Variants in PXMP2 observed in about 807,000 individuals in gnomAD.
PXMP2 encodes peroxisomal membrane protein 2.
PXMP2 carries 13 observed loss-of-function variants against 20.2 expected under a neutral mutation model. The ratio of observed to expected loss-of-function variants is 0.64; its 90% confidence interval spans 0.42 to 1.02. The LOEUF is 1.02. Among genes scored for constraint, PXMP2 ranks in the 50% least tolerant of loss-of-function variants. PXMP2 has a pLI of 0.00. For missense variants in PXMP2, 284 were observed against 251.8 expected (o/e 1.13, Z -0.87); for synonymous variants, 113 against 111.2 (o/e 1.02, Z -0.10).
rs1304769894 is a variant in PXMP2 at position 132,695,943 on chromosome 12, C to T, written c.296C>T (p.Pro99Leu). 5 of 1,612,618 alleles carry T rather than the reference C, an allele frequency of 3.1e-6. No homozygotes were observed. Among genetic ancestry groups the T allele is most frequent in the Non-Finnish European group, 4.2e-6 (5 of 1,179,370 alleles). ...FFYFFMEHWIPPEVPLAGLRR... is the reference protein window; with the variant it reads ...FFYFFMEHWILPEVPLAGLRR... ...TACTTCTTCATGGAACATTGGATCC[C>T]TCCTGAGGTCCCCCTGGCAGGGCTC... Residue 99 changes from proline to leucine, a missense_variant, in exon 3 of 5, where the codon CCT (proline) becomes CTT (leucine). By Grantham distance (98) the Pro-to-Leu change is moderately conservative. Coordinates refer to ENST00000317479, the MANE Select transcript of PXMP2 (RefSeq NM_018663.3).
chr12:132,699,526 C>CTTTTTTT (rs67730658), intron 3 of PXMP2, among the ~76,000 whole-genome samples: 2 of 100,510 alleles, frequency 2.0e-5, no homozygotes, highest in African/African-American at 7.9e-5. Flanking sequence ...AAAAGACATG[C>CTTTTTTT]TTTTTTTTTT....
intron 2 of PXMP2, 83 bp from the exon 3 acceptor site, chr12:132,695,801 C>A: frequency 7.0e-7 from 1 of 1,433,492 alleles, no homozygotes; most frequent in Non-Finnish European, 9.5e-7. Context: ...GGGGTTAGGA[C>A]CTGGGATTTG....
rs1213728899 is a variant in PXMP2 at position 132,690,340 on chromosome 12, T to A, written c.200T>A (p.Leu67Gln). 6.2e-7 allele frequency: 1 copy of A among 1,614,076 alleles called. No homozygotes were observed. The highest frequency in any genetic ancestry group is 8.5e-7 in the Non-Finnish European group (1 of 1,179,960). Reference protein sequence around the residue: ...KKRKKENSRSLDVGGPLRYAV... With the variant: ...KKRKKENSRSQDVGGPLRYAV... ...CGGAAAAAAGAAAACTCTAGAAGTC[T>A]GGATGTCGGTGGGCCTCTGAGATAT... Residue 67 changes from leucine (L) to glutamine (Q), a missense_variant, in exon 2 of 5, where the codon CTG becomes CAG. Coordinates refer to ENST00000317479, the MANE Select transcript of PXMP2 (RefSeq NM_018663.3).
At chr12:132,701,609 C>G (rs2043442438) in intron 4 of PXMP2, 3 of 541,174 alleles carry the variant, frequency 5.5e-6, no homozygotes, top group Admixed American at 3.8e-5. Context: ...GAAGGGTGTC[C>G]CGAGTGGTCG....
chr12:132,688,686 G>C (rs11608852), intron 1 of PXMP2, among the ~76,000 whole-genome samples: 7 of 8,972 alleles, frequency 7.8e-4, no homozygotes, highest in South Asian at 7.8e-3. Context: ...AAGACAGGGC[G>C]AGGGGAGCGG....
At chr12:132,694,202 TGCCAGTTAGTTAGTGAGCTCCCTTA>T (rs1555232176) in intron 2 of PXMP2, among the ~76,000 whole-genome samples, 3 of 110,598 alleles carry the variant, frequency 2.7e-5, no homozygotes, top group Non-Finnish European at 3.9e-5. Flanking sequence ...AGAGCTCCCT[TGCCAGTTAGTTAGTGAGCTCCCTTA>T]GCCAGTTAGT....
In PXMP2 at chr12:132,692,108, CAGTT is replaced by C. The variant is rs1275706304; in HGVS notation, c.236+1740_236+1743del. ...CCAGTTAGTTAGTGAGCGCCCTTGC[CAGTT>C]AGTTAGTGAGCTCCCTTAGCCAGTT... is the stretch of plus-strand genomic sequence containing the variant. On this transcript the variant is annotated intron_variant, in intron 2 of 4. Transcript: ENST00000317479. Among the ~76,000 whole-genome samples the C allele has an allele frequency of 8.2e-5, 12 of 146,408 alleles. 1 individual carries two copies. The highest frequency in any genetic ancestry group is 1.5e-4 in the African/African-American group (6 of 39,560).
intron 4 of PXMP2, chr12:132,702,573 C>A: frequency 3.7e-6 from 1 of 267,594 alleles, no homozygotes; most frequent in Non-Finnish European, 7.6e-6. Flanking sequence ...AGGTATGCCG[C>A]CCATCAGGGT....
chr12:132,696,437 A>G lies in PXMP2; in HGVS notation c.399+391A>G, dbSNP rs1209044072. Among the ~76,000 whole-genome samples, 2 of 152,086 alleles carry G rather than the reference A, an allele frequency of 1.3e-5. No homozygotes were observed. Among genetic ancestry groups the G allele is most frequent in the Non-Finnish European group, 2.9e-5 (2 of 68,040 alleles). On this transcript the variant is annotated intron_variant, in intron 3 of 4. Transcript: ENST00000317479. This position sits in a 1 kb window ranked among gnomAD's most constrained non-coding sequence, Gnocchi z 4.4. ...TTTTATATCACATCAGTTGTTACAG[A>G]TATCTCGAAATATAATTTATGCTCA...
chr12:132,699,654 C>T (rs1345983456), intron 3 of PXMP2, among the ~76,000 whole-genome samples: 2 of 151,280 alleles, frequency 1.3e-5, no homozygotes, highest in African/African-American at 2.4e-5. Flanking sequence ...CTCAGCCTCC[C>T]AAAGTGCTGA....
intron 2 of PXMP2, among the ~76,000 whole-genome samples, chr12:132,692,832 TAGCC>T (rs2043379863): frequency 1.2e-5 from 1 of 80,084 alleles, no homozygotes; most frequent in Non-Finnish European, 2.8e-5. Context: ...TGAGCTCCCT[TAGCC>T]AGTTAGTGAG....
At chr12:132,688,043 G>C (rs1447048711) in intron 1 of PXMP2, 5 of 232,108 alleles carry the variant, frequency 2.2e-5, no homozygotes, top group Non-Finnish European at 3.0e-5. Flanking sequence ...CCGGGGGTCG[G>C]CGCTGAGGTT....
rs200781916 is a variant in PXMP2, at chr12:132,690,316, G to A, written c.176G>A (p.Arg59Gln). 107 of 1,613,890 alleles carry A rather than the reference G, an allele frequency of 6.6e-5. No individual in the cohort carries two copies. In the East Asian group the frequency reaches 2.0e-3, roughly 30 times the overall value. ...CTGGCCCAGATGATTGAGAAGAAGC[G>A]GAAAAAAGAAAACTCTAGAAGTCTG... ...NFLAQMIEKK[R>Q]KKENSRSLDV... Residue 59 changes from arginine (R) to glutamine (Q), a missense_variant, in exon 2 of 5, where the codon CGG (arginine) becomes CAG (glutamine). Coordinates refer to ENST00000317479, the MANE Select transcript of PXMP2 (RefSeq NM_018663.3).
At chr12:132,692,245 C>T (rs530079543) in intron 2 of PXMP2, among the ~76,000 whole-genome samples, 33 of 149,858 alleles carry the variant, frequency 2.2e-4, no homozygotes, top group African/African-American at 8.1e-4. Context: ...TTAGTGAGCT[C>T]CCTGAGCCAG....
In PXMP2 at chr12:132,704,703, C is replaced by T. The variant is rs781009188; in HGVS notation, c.*16C>T. The T allele has an allele frequency of 6.3e-7, 1 of 1,582,828 alleles. No homozygotes were observed. The highest frequency in any genetic ancestry group is 8.6e-7 in the Non-Finnish European group (1 of 1,163,754). ...GGGGAAGTGACGACCGCTGGGAGAA[C>T]ATCAGGTGCACTGTGGACGTGGGTC... is the stretch of plus-strand genomic sequence containing the variant. On this transcript the variant is annotated 3_prime_UTR_variant, in exon 5 of 5. Transcript: ENST00000317479.
intron 1 of PXMP2, 56 bp downstream of exon 1, chr12:132,687,848 C>T: frequency 8.1e-6 from 9 of 1,111,062 alleles, no homozygotes; most frequent in Non-Finnish European, 9.9e-6. Context: ...GCCGCAGCGG[C>T]GCGGGGCCTG....
At chr12:132,702,535 C>T in intron 4 of PXMP2, 1 of 356,554 alleles carries the variant, frequency 2.8e-6, no homozygotes, top group Non-Finnish European at 5.7e-6. Flanking sequence ...GCAGAGCCTG[C>T]AGGGGCCACG....
chr12:132,692,521 T>TA (rs201733704), intron 2 of PXMP2, among the ~76,000 whole-genome samples: 394 of 47,146 alleles, frequency 8.4e-3, no homozygotes, highest in Non-Finnish European at 0.015. Flanking sequence ...TGAGCTCCCT[T>TA]GCCAGTTAGT....
Position 132,696,994 on chromosome 12 carries a change from A to T in PXMP2, c.399+948A>T, listed in dbSNP as rs1231228900. Among the ~76,000 whole-genome samples, 1 of 151,802 alleles carries T rather than the reference A, an allele frequency of 6.6e-6. No individual in the cohort carries two copies. Among genetic ancestry groups the T allele is most frequent in the East Asian group, 1.9e-4 (1 of 5,144 alleles). On this transcript the variant is annotated intron_variant, in intron 3 of 4. Transcript: ENST00000317479. The surrounding 1 kb of genome is among the most constrained non-coding windows in gnomAD (Gnocchi z 4.4). ...TGCCTCAAAAAAAAAAGAAAAAAGAAAAAAGAAACAGGGCCGGGCATGATG... is the reference window on the plus strand; with the variant it reads ...TGCCTCAAAAAAAAAAGAAAAAAGATAAAAGAAACAGGGCCGGGCATGATG...
Sources: allele counts gnomAD v4.1 joint callset (sites outside exome capture counted in the v4.1 genomes callset), GRCh38; gene constraint gnomAD v4.1.1; non-coding constraint Gnocchi (gnomAD v3.1); transcripts MANE v1.5; gene names NCBI Gene and HGNC (gene_info 2026-07-23, HGNC 2026-07-21).